EYS: variants seen among roughly 807,000 people sequenced by gnomAD.
EYS encodes the protein EGF-like photoreceptor maintenance factor.
Under a neutral mutation model 282.1 loss-of-function variants are expected in EYS, and 250 were observed. The observed-to-expected ratio is 0.89, with a 90% CI of 0.80 to 0.98. The LOEUF is 0.98. Ranked by LOEUF, EYS falls within the 50% of genes least tolerant of loss-of-function variation. The probability of loss-of-function intolerance (pLI) is 0.00; values close to 1 mark genes in which losing one functional copy is unlikely to be tolerated. For synonymous variants in EYS, 1,355 were observed against 1,282.9 expected (o/e 1.06, Z -1.20); for missense variants, 4,016 against 3,709.0 (o/e 1.08, Z -2.15).
intron 31 of EYS, among the ~76,000 whole-genome samples, chr6:64,174,682 T>C (rs1172222561): frequency 6.6e-6 from 1 of 151,846 alleles, no homozygotes; most frequent in African/African-American, 2.4e-5. Context: ...ATATGTCTCA[T>C]AGGACATATG....
chr6:63,771,157 G>T (rs555468587), intron 40 of EYS, among the ~76,000 whole-genome samples: 1 of 152,270 alleles, frequency 6.6e-6, no homozygotes, highest in Admixed American at 6.5e-5. Flanking sequence ...TACATGAGCT[G>T]CTTGGAGTAG....
At chr6:64,239,745 G>A (rs1207078063) in intron 30 of EYS, among the ~76,000 whole-genome samples, 1 of 152,050 alleles carries the variant, frequency 6.6e-6, no homozygotes, top group Non-Finnish European at 1.5e-5. Flanking sequence ...CTGTGCTGAA[G>A]CTCTTTAGTT....
intron 31 of EYS, among the ~76,000 whole-genome samples, chr6:64,209,947 AT>A (rs1562254601): frequency 2.0e-5 from 3 of 151,946 alleles, no homozygotes; most frequent in Admixed American, 6.6e-5. Context: ...GACTTCCTTT[AT>A]GGTATTTCTA....
At chr6:64,873,628 G>A (rs539797052) in intron 19 of EYS, among the ~76,000 whole-genome samples, 9 of 152,044 alleles carry the variant, frequency 5.9e-5, no homozygotes, top group African/African-American at 1.4e-4. Context: ...CATTTTATGG[G>A]TGCCATAGTT....
intron 26 of EYS, among the ~76,000 whole-genome samples, chr6:64,581,325 C>A (rs2149824472): frequency 6.6e-6 from 1 of 152,024 alleles, no homozygotes; most frequent in African/African-American, 2.4e-5. Flanking sequence ...AATAGTGGCA[C>A]CATGGACCGA....
At chr6:64,580,229 C>T (rs1190012615) in intron 26 of EYS, among the ~76,000 whole-genome samples, 1 of 152,082 alleles carries the variant, frequency 6.6e-6, no homozygotes, top group African/African-American at 2.4e-5. Context: ...AGTATTATGT[C>T]TATTAACATA....
At chr6:64,535,866 C>T (rs1302757752) in intron 26 of EYS, among the ~76,000 whole-genome samples, 1 of 151,896 alleles carries the variant, frequency 6.6e-6, no homozygotes, top group Non-Finnish European at 1.5e-5. Context: ...GTCATTTTAA[C>T]TTATTTAAAT....
chr6:65,674,474 A>G (rs933244986), intron 1 of EYS, among the ~76,000 whole-genome samples: 1 of 150,326 alleles, frequency 6.7e-6, no homozygotes, highest in Non-Finnish European at 1.5e-5. Flanking sequence ...AAAAAAAAAA[A>G]AAAGCAGCAC....
At chr6:65,397,541 A>G (rs979226240) in intron 7 of EYS, among the ~76,000 whole-genome samples, 2 of 151,424 alleles carry the variant, frequency 1.3e-5, no homozygotes, top group African/African-American at 4.9e-5. Flanking sequence ...GCTACTGCAA[A>G]GACATGATTT....
chr6:63,755,237 T>A (rs1769446747), intron 41 of EYS, among the ~76,000 whole-genome samples: 1 of 152,204 alleles, frequency 6.6e-6, no homozygotes, highest in African/African-American at 2.4e-5. Flanking sequence ...GCCATTGCTT[T>A]TGGTGTTTTA....
At chr6:64,704,129 C>T (rs542406056) in intron 22 of EYS, among the ~76,000 whole-genome samples, 2 of 151,640 alleles carry the variant, frequency 1.3e-5, no homozygotes, top group Non-Finnish European at 2.9e-5. Context: ...ATTCTGGACT[C>T]GCATGAAATT....
intron 29 of EYS, among the ~76,000 whole-genome samples, chr6:64,350,785 T>TC (rs1194675815): frequency 6.6e-6 from 1 of 151,590 alleles, no homozygotes; most frequent in African/African-American, 2.4e-5. Context: ...CCCATGCAAG[T>TC]CTCATCTTGA....
chr6:64,955,962 T>C (rs1006342371), intron 14 of EYS, among the ~76,000 whole-genome samples: 2 of 152,172 alleles, frequency 1.3e-5, no homozygotes, highest in Admixed American at 6.5e-5. Flanking sequence ...TTCTTTGTCC[T>C]CTGACAAGAA....
chr6:64,695,083 C>G (rs1770528639), intron 22 of EYS, among the ~76,000 whole-genome samples: 1 of 152,058 alleles, frequency 6.6e-6, no homozygotes, highest in Non-Finnish European at 1.5e-5. Context: ...AACTGCCTTC[C>G]AACCACTTGG....
chr6:64,303,723 CCCAG>C (rs1157669796), intron 30 of EYS, among the ~76,000 whole-genome samples: 2 of 150,954 alleles, frequency 1.3e-5, no homozygotes, highest in Non-Finnish European at 2.9e-5. Flanking sequence ...CGCCTGTAGT[CCCAG>C]CTACACGGGA....
intron 31 of EYS, among the ~76,000 whole-genome samples, chr6:64,182,212 A>G (rs1764806551): frequency 6.6e-6 from 1 of 152,190 alleles, no homozygotes; most frequent in African/African-American, 2.4e-5. Context: ...ACTTTTATCC[A>G]TATGTGAAAT....
chr6:64,636,959 T>C (rs1448311819), intron 22 of EYS, among the ~76,000 whole-genome samples: 3 of 131,316 alleles, frequency 2.3e-5, no homozygotes, highest in Non-Finnish European at 4.9e-5. Flanking sequence ...AGAGAGGATA[T>C]GGAGAAATAG....
At chr6:64,214,517 A>G (rs1417921467) in intron 31 of EYS, among the ~76,000 whole-genome samples, 1 of 152,158 alleles carries the variant, frequency 6.6e-6, no homozygotes, top group Non-Finnish European at 1.5e-5. Flanking sequence ...TTATAGCAGT[A>G]GGAAGAAATA....
At chr6:65,199,758 A>G (rs1445111360) in intron 12 of EYS, among the ~76,000 whole-genome samples, 1 of 152,148 alleles carries the variant, frequency 6.6e-6, no homozygotes, top group Non-Finnish European at 1.5e-5. Context: ...TGAATAGCAG[A>G]AACAAGAGCA....
Sources: allele counts gnomAD v4.1 joint callset (sites outside exome capture counted in the v4.1 genomes callset), GRCh38; gene constraint gnomAD v4.1.1; transcripts MANE v1.5; gene names NCBI Gene and HGNC (gene_info 2026-07-23, HGNC 2026-07-21).